ZFAND3: variants seen among roughly 807,000 people sequenced by gnomAD.
ZFAND3 encodes zinc finger AN1-type containing 3, also known as AN1-type zinc finger protein 3.
Under a neutral mutation model 29.6 loss-of-function variants are expected in ZFAND3, and 10 were observed. The ratio of observed to expected loss-of-function variants is 0.34; its 90% CI spans 0.21 to 0.57. The LOEUF is 0.57. ZFAND3 is among the 20% of genes least tolerant of loss of function. ZFAND3 has a pLI of 0.86. For missense variants in ZFAND3, 230 were observed against 304.5 expected (o/e 0.76, Z 1.82); for synonymous variants, 128 against 112.6 (o/e 1.14, Z -0.87).
chr6:38,031,608 C>G (rs1763560364), intron 2 of ZFAND3, among the ~76,000 whole-genome samples: 1 of 152,128 alleles, frequency 6.6e-6, no homozygotes, highest in Non-Finnish European at 1.5e-5. Flanking sequence ...TCTATCACTT[C>G]CTAGCTTTGT....
At chr6:37,900,207 G>A (rs1278254571) in intron 1 of ZFAND3, among the ~76,000 whole-genome samples, 1 of 152,050 alleles carries the variant, frequency 6.6e-6, no homozygotes, top group Non-Finnish European at 1.5e-5. Context: ...TGCAATACAA[G>A]TTTTTCTGCG....
At chr6:37,910,049 TG>T (rs1765492504) in intron 1 of ZFAND3, among the ~76,000 whole-genome samples, 1 of 152,262 alleles carries the variant, frequency 6.6e-6, no homozygotes, top group Admixed American at 6.5e-5. Flanking sequence ...GTTCTTTGCA[TG>T]TCATCAACTG....
intron 3 of ZFAND3, among the ~76,000 whole-genome samples, chr6:38,075,694 C>G (rs978530600): frequency 1.3e-5 from 2 of 152,196 alleles, no homozygotes; most frequent in Non-Finnish European, 1.5e-5. Flanking sequence ...TGCTGTCAAA[C>G]AGCATTACTA....
At chr6:37,949,317 A>C (rs1202289173) in intron 2 of ZFAND3, among the ~76,000 whole-genome samples, 2 of 151,952 alleles carry the variant, frequency 1.3e-5, no homozygotes, top group South Asian at 2.1e-4. Context: ...GTTGTTGTTA[A>C]TTTCAGTTCT....
intron 5 of ZFAND3, among the ~76,000 whole-genome samples, chr6:38,133,462 G>A (rs1221948064): frequency 6.6e-6 from 1 of 152,048 alleles, no homozygotes; most frequent in African/African-American, 2.4e-5. Flanking sequence ...GAGCATTGTT[G>A]GACAAGGCCG....
intron 2 of ZFAND3, among the ~76,000 whole-genome samples, chr6:37,994,007 A>G (rs898293062): frequency 1.3e-5 from 2 of 152,182 alleles, no homozygotes; most frequent in African/African-American, 4.8e-5. Context: ...AGAGTATATC[A>G]TAGGACCGGT....
chr6:37,845,819 C>T (rs796237328), intron 1 of ZFAND3, among the ~76,000 whole-genome samples: 3 of 152,178 alleles, frequency 2.0e-5, no homozygotes, highest in African/African-American at 7.2e-5. Context: ...TCATAATTTT[C>T]CTAACTTCTG....
chr6:37,951,801 G>T (rs927268759), intron 2 of ZFAND3, among the ~76,000 whole-genome samples: 1 of 152,052 alleles, frequency 6.6e-6, no homozygotes, highest in South Asian at 2.1e-4. Context: ...TCTAGTTTTT[G>T]CCTGTTTAGT....
At chr6:38,091,418 TA>T (rs1764865728) in intron 4 of ZFAND3, among the ~76,000 whole-genome samples, 6 of 151,502 alleles carry the variant, frequency 4.0e-5, no homozygotes, top group Non-Finnish European at 8.8e-5. Flanking sequence ...GAGCCAATAC[TA>T]TTTAAAAAGC....
chr6:38,017,422 GC>G (rs1763271018), intron 2 of ZFAND3, among the ~76,000 whole-genome samples: 1 of 152,124 alleles, frequency 6.6e-6, no homozygotes, highest in South Asian at 2.1e-4. Context: ...TTATTAGTGT[GC>G]CCAGTGAGCC....
At chr6:37,858,410 C>T (rs1164597721) in intron 1 of ZFAND3, among the ~76,000 whole-genome samples, 5 of 152,138 alleles carry the variant, frequency 3.3e-5, no homozygotes, top group East Asian at 1.9e-4. Flanking sequence ...TTATGCTTGA[C>T]GTGCCGAAAG....
intron 5 of ZFAND3, among the ~76,000 whole-genome samples, chr6:38,145,639 A>T (rs1230527283): frequency 1.3e-5 from 2 of 152,156 alleles, no homozygotes; most frequent in African/African-American, 4.8e-5. Flanking sequence ...AATTTTAGAG[A>T]TCTGCACATC....
At chr6:38,004,690 C>T (rs1331275202) in intron 2 of ZFAND3, among the ~76,000 whole-genome samples, 8 of 152,146 alleles carry the variant, frequency 5.3e-5, no homozygotes, top group African/African-American at 1.7e-4. Flanking sequence ...AATCTTCAGA[C>T]TTGAATTTTT....
intron 5 of ZFAND3, among the ~76,000 whole-genome samples, chr6:38,117,353 G>A (rs1481890980): frequency 7.0e-6 from 1 of 142,948 alleles, no homozygotes; most frequent in African/African-American, 2.6e-5. Context: ...CATATACCCA[G>A]TCTGAAATAG....
intron 1 of ZFAND3, among the ~76,000 whole-genome samples, chr6:37,914,791 G>A (rs1357226191): frequency 1.3e-5 from 2 of 151,396 alleles, no homozygotes; most frequent in East Asian, 1.9e-4. Context: ...GTGAGCTACC[G>A]TGCCTGGCCA....
At chr6:38,136,086 A>C (rs977160963) in intron 5 of ZFAND3, among the ~76,000 whole-genome samples, 4 of 152,170 alleles carry the variant, frequency 2.6e-5, no homozygotes, top group Admixed American at 2.0e-4. Flanking sequence ...GGGTGTGGGA[A>C]GTCCACTGGC....
chr6:38,045,311 A>G (rs1165168511), intron 2 of ZFAND3, among the ~76,000 whole-genome samples: 2 of 151,656 alleles, frequency 1.3e-5, no homozygotes, highest in African/African-American at 2.4e-5. Flanking sequence ...CTGGTCTCAA[A>G]CTCCTGACCT....
At chr6:37,858,559 T>A (rs1259694430) in intron 1 of ZFAND3, among the ~76,000 whole-genome samples, 6 of 152,230 alleles carry the variant, frequency 3.9e-5, no homozygotes, top group African/African-American at 1.4e-4. Context: ...AACATTTACT[T>A]TGCAAATATA....
chr6:37,873,261 C>G (rs1196956755), intron 1 of ZFAND3, among the ~76,000 whole-genome samples: 1 of 152,152 alleles, frequency 6.6e-6, no homozygotes, highest in African/African-American at 2.4e-5. Flanking sequence ...CAGAGCGAGA[C>G]TCCGTCTCAA....
Sources: gnomAD v4.1 joint callset for allele counts (sites outside exome capture counted in the v4.1 genomes callset) on GRCh38, gnomAD v4.1.1 for gene constraint, MANE v1.5 for transcripts, NCBI Gene and HGNC (gene_info 2026-07-23, HGNC 2026-07-21) for gene names.